Variants in ALCAM observed in about 807,000 individuals in gnomAD.
ALCAM encodes the protein activated leukocyte cell adhesion molecule.
In ALCAM, 30 loss-of-function variants were observed where a neutral mutation model predicts 70.9. That is an observed-to-expected ratio of 0.42 (90% CI 0.32 to 0.57). The LOEUF (loss-of-function observed/expected upper bound fraction) is 0.57. ALCAM is among the 20% of genes least tolerant of loss of function. ALCAM has a pLI of 0.11. For missense variants in ALCAM, 591 were observed against 695.1 expected, an observed-to-expected ratio of 0.85 and a Z score of 1.68; for synonymous variants, 249 against 242.5, an observed-to-expected ratio of 1.03 and a Z score of -0.25.
intron 3 of ALCAM, among the ~76,000 whole-genome samples, chr3:105,528,611 A>G (rs1324896682): frequency 6.6e-6 from 1 of 152,174 alleles, no homozygotes; most frequent in Non-Finnish European, 1.5e-5. Flanking sequence ...GCCACTATCC[A>G]TAGCAAGCTA....
At chr3:105,405,618 C>G (rs954222294) in intron 1 of ALCAM, among the ~76,000 whole-genome samples, 2 of 152,172 alleles carry the variant, frequency 1.3e-5, no homozygotes, top group Non-Finnish European at 2.9e-5. Flanking sequence ...TTCATCAGCA[C>G]ATGGAACATT....
At chr3:105,565,569 C>T (rs1306872862) in intron 14 of ALCAM, among the ~76,000 whole-genome samples, 1 of 152,102 alleles carries the variant, frequency 6.6e-6, no homozygotes, top group Non-Finnish European at 1.5e-5. Context: ...ACAATCCTTG[C>T]CTACTAATTT....
chr3:105,417,728 TC>T (rs150798955), intron 1 of ALCAM, among the ~76,000 whole-genome samples: 11,775 of 151,868 alleles, frequency 0.078, 624 homozygotes, highest in Non-Finnish European at 0.12. Context: ...TTTTACTTCC[TC>T]TTTTTTTTCA....
At chr3:105,478,017 G>A (rs1938168918) in intron 1 of ALCAM, among the ~76,000 whole-genome samples, 2 of 151,960 alleles carry the variant, frequency 1.3e-5, no homozygotes, top group Non-Finnish European at 2.9e-5. Flanking sequence ...TTTTAAAATA[G>A]TGTGAGCTAA....
At chr3:105,546,047 A>T (rs1386084584) in intron 9 of ALCAM, among the ~76,000 whole-genome samples, 1 of 151,408 alleles carries the variant, frequency 6.6e-6, no homozygotes, top group Admixed American at 6.6e-5. Flanking sequence ...ATCCTTTTAG[A>T]GTAAGGAAGT....
chr3:105,527,345 G>T (rs943546548), intron 3 of ALCAM, among the ~76,000 whole-genome samples: 1 of 152,124 alleles, frequency 6.6e-6, no homozygotes, highest in Non-Finnish European at 1.5e-5. Context: ...GTCACCAGGA[G>T]AACTTACTTT....
chr3:105,534,388 G>C (rs1939917756), intron 5 of ALCAM, among the ~76,000 whole-genome samples: 2 of 152,152 alleles, frequency 1.3e-5, no homozygotes, highest in South Asian at 4.1e-4. Flanking sequence ...TTCAGCCCTT[G>C]TACAGAAGAA....
At chr3:105,368,967 G>T (rs981811973) in intron 1 of ALCAM, among the ~76,000 whole-genome samples, 10 of 152,184 alleles carry the variant, frequency 6.6e-5, no homozygotes, top group Non-Finnish European at 1.3e-4. Context: ...CAACGCTGGG[G>T]AGGTAGGTGG....
chr3:105,423,813 A>G (rs1227356715), intron 1 of ALCAM, among the ~76,000 whole-genome samples: 1 of 151,642 alleles, frequency 6.6e-6, no homozygotes, highest in Non-Finnish European at 1.5e-5. Flanking sequence ...GTTCACACAC[A>G]TTTTACAGAA....
chr3:105,484,379 C>T (rs1576193769), intron 1 of ALCAM, among the ~76,000 whole-genome samples: 1 of 151,178 alleles, frequency 6.6e-6, no homozygotes, highest in African/African-American at 2.4e-5. Flanking sequence ...TTCCCTTTCA[C>T]CAGCTACATC....
chr3:105,529,437 T>G (rs935851005), intron 3 of ALCAM, among the ~76,000 whole-genome samples: 10 of 152,194 alleles, frequency 6.6e-5, no homozygotes, highest in African/African-American at 2.4e-4. Flanking sequence ...GTGCATGTCC[T>G]CTTTTATGGT....
intron 1 of ALCAM, among the ~76,000 whole-genome samples, chr3:105,377,994 A>G (rs1935420331): frequency 6.6e-6 from 1 of 152,046 alleles, no homozygotes; most frequent in Non-Finnish European, 1.5e-5. Context: ...TAAGTAAATC[A>G]TATTTCGAAC....
At chr3:105,505,085 C>T (rs769832312) in intron 1 of ALCAM, among the ~76,000 whole-genome samples, 3 of 152,184 alleles carry the variant, frequency 2.0e-5, no homozygotes, top group Non-Finnish European at 2.9e-5. Flanking sequence ...TTAATTGCTA[C>T]ACTCTGCTGC....
At chr3:105,452,545 G>C (rs1469599933) in intron 1 of ALCAM, among the ~76,000 whole-genome samples, 1 of 152,158 alleles carries the variant, frequency 6.6e-6, no homozygotes, top group Non-Finnish European at 1.5e-5. Context: ...ACTTGTGCAT[G>C]TGTCTTTATA....
rs907168974 is a variant in ALCAM, at chr3:105,406,539, A to G, written c.73+39058A>G. The stretch of plus-strand genomic sequence containing the variant: ...CTATCAAAACCTCCGGGAAACAGCA[A>G]AAGTGGTGCTAAGAGGAAAGTTCAT... On this transcript the variant is annotated intron_variant, in intron 1 of 15. Coordinates refer to ENST00000306107, the MANE Select transcript of ALCAM (RefSeq NM_001627.4). Among the ~76,000 whole-genome samples the G allele has an allele frequency of 2.0e-5, 3 of 152,284 alleles. No homozygotes were observed. The East Asian group carries it at 5.8e-4, about 29-fold the overall frequency.
chr3:105,413,773 C>T (rs767353031), intron 1 of ALCAM, among the ~76,000 whole-genome samples: 3 of 152,128 alleles, frequency 2.0e-5, no homozygotes, highest in South Asian at 4.1e-4. Flanking sequence ...CTTTTAATTA[C>T]ACTTTCTTTC....
chr3:105,388,161 G>A (rs1476218309), intron 1 of ALCAM, among the ~76,000 whole-genome samples: 2 of 151,618 alleles, frequency 1.3e-5, no homozygotes, highest in Non-Finnish European at 3.0e-5. Flanking sequence ...ATTTTTGGGA[G>A]AGTATAATGT....
At chr3:105,454,999 A>AT (rs1223592512) in intron 1 of ALCAM, among the ~76,000 whole-genome samples, 1 of 152,032 alleles carries the variant, frequency 6.6e-6, no homozygotes, top group East Asian at 1.9e-4. Flanking sequence ...ACTAAAATTT[A>AT]TTAACTGAAT....
At chr3:105,516,464 T>C (rs769954475) in intron 1 of ALCAM, among the ~76,000 whole-genome samples, 1 of 152,060 alleles carries the variant, frequency 6.6e-6, no homozygotes, top group Admixed American at 6.6e-5. Flanking sequence ...TATATCAGAA[T>C]TACTTCTTTA....
Sources: allele counts gnomAD v4.1 joint callset (sites outside exome capture counted in the v4.1 genomes callset), GRCh38; gene constraint gnomAD v4.1.1; transcripts MANE v1.5; gene names NCBI Gene and HGNC (gene_info 2026-07-23, HGNC 2026-07-21).